Variants in ZNF676 observed in about 807,000 individuals in gnomAD.
The protein encoded by ZNF676 is zinc finger protein 676.
Under a neutral mutation model 6.0 loss-of-function variants are expected in ZNF676, and 4 were observed. The ratio of observed to expected loss-of-function variants is 0.67; its 90% CI spans 0.33 to 1.53. ZNF676 has a LOEUF of 1.53. ZNF676 is among the 40% of genes most tolerant of loss of function. The pLI, the probability that ZNF676 is intolerant of heterozygous loss-of-function variation, is 0.06. For missense variants in ZNF676, 644 were observed against 679.7 expected (o/e 0.95, Z 0.58); for synonymous variants, 198 against 223.1 (o/e 0.89, Z 1.00).
At chr19:22,244,344 A>T in the ZNF676 span, 1 of 152,162 alleles carries the variant, frequency 6.6e-6, no homozygotes, top group Non-Finnish European at 1.5e-5. Context: ...GCCCAGTCAG[A>T]TTGATAACTC....
chr19:22,238,623 G>C, the ZNF676 span, among the ~76,000 whole-genome samples: 3 of 152,018 alleles, frequency 2.0e-5, no homozygotes, highest in Non-Finnish European at 4.4e-5. Flanking sequence ...GTATTAGTCA[G>C]GGTTCTCCAG....
At chr19:22,232,182 T>G in the ZNF676 span, among the ~76,000 whole-genome samples, 2 of 151,742 alleles carry the variant, frequency 1.3e-5, no homozygotes, top group African/African-American at 4.8e-5. Context: ...CTTTTCTTTT[T>G]TTTTTAGACG....
upstream of ZNF676, chr19:22,215,797 T>C (rs1162540395): frequency 1.1e-4 from 60 of 549,348 alleles, no homozygotes; most frequent in South Asian, 1.8e-4. Flanking sequence ...AGCCGACCTG[T>C]CCCCCCCCCC....
the ZNF676 span, among the ~76,000 whole-genome samples, chr19:22,253,398 TAA>T: frequency 0.27 from 15,726 of 58,826 alleles, 1,142 homozygotes; most frequent in East Asian, 0.45. Flanking sequence ...ATATATATGA[TAA>T]TGTGTATATA....
chr19:22,199,251 C>T (rs2024000919), upstream of ZNF676, among the ~76,000 whole-genome samples: 1 of 152,154 alleles, frequency 6.6e-6, no homozygotes, highest in Non-Finnish European at 1.5e-5. Context: ...AATGATGTTG[C>T]TCCCACTGGG....
the ZNF676 span, among the ~76,000 whole-genome samples, chr19:22,221,757 A>G: frequency 6.6e-6 from 1 of 152,122 alleles, no homozygotes; most frequent in Non-Finnish European, 1.5e-5. Flanking sequence ...ACAAAAAAAA[A>G]AAACATCAGA....
intron 1 of ZNF676, among the ~76,000 whole-genome samples, chr19:22,195,680 C>T (rs757006043): frequency 6.6e-6 from 1 of 152,134 alleles, no homozygotes; most frequent in Non-Finnish European, 1.5e-5. Flanking sequence ...GTTAGGAGAA[C>T]AATTACAAAA....
chr19:22,194,122 C>G (rs2023942618), intron 1 of ZNF676, among the ~76,000 whole-genome samples: 1 of 152,168 alleles, frequency 6.6e-6, no homozygotes, highest in African/African-American at 2.4e-5. Flanking sequence ...TTCCCAGATG[C>G]TGCTTACCAC....
chr19:22,247,440 T>C, the ZNF676 span, among the ~76,000 whole-genome samples: 1 of 152,000 alleles, frequency 6.6e-6, no homozygotes, highest in Non-Finnish European at 1.5e-5. Context: ...GACATATGCC[T>C]GCAATCCTAG....
chr19:22,230,035 A>G, the ZNF676 span, among the ~76,000 whole-genome samples: 1 of 152,212 alleles, frequency 6.6e-6, no homozygotes, highest in Non-Finnish European at 1.5e-5. Flanking sequence ...TCTACTATAA[A>G]GACACATGCA....
intron 1 of ZNF676, among the ~76,000 whole-genome samples, chr19:22,206,517 A>G (rs926374197): frequency 6.6e-6 from 1 of 152,052 alleles, no homozygotes; most frequent in African/African-American, 2.4e-5. Context: ...TTCTCAAAAC[A>G]GGAAAAAATT....
At chr19:22,253,369 T>C in the ZNF676 span, among the ~76,000 whole-genome samples, 3 of 35,864 alleles carry the variant, frequency 8.4e-5, no homozygotes, top group Non-Finnish European at 1.3e-4. Flanking sequence ...TGTGTGTGTG[T>C]GTGTATATAT....
chr19:22,209,107 A>G (rs2024104890), intron 1 of ZNF676, among the ~76,000 whole-genome samples: 1 of 152,114 alleles, frequency 6.6e-6, no homozygotes, highest in South Asian at 2.1e-4. Context: ...TATACTAAAA[A>G]TACAAAAATT....
chr19:22,218,607 G>T (rs1253771880), upstream of ZNF676, among the ~76,000 whole-genome samples: 1 of 151,394 alleles, frequency 6.6e-6, no homozygotes, highest in African/African-American at 2.4e-5. Flanking sequence ...ACCTCCCAAA[G>T]TGCTGGGATT....
chr19:22,219,986 T>G (rs1291499002), upstream of ZNF676, among the ~76,000 whole-genome samples: 2 of 152,304 alleles, frequency 1.3e-5, no homozygotes, highest in Admixed American at 6.5e-5. Context: ...CCTTACAATA[T>G]GTTCCCTCTA....
At chr19:22,226,548 TTTTTA>T in the ZNF676 span, among the ~76,000 whole-genome samples, 1 of 151,706 alleles carries the variant, frequency 6.6e-6, no homozygotes, top group East Asian at 1.9e-4. Context: ...GAGTGTTTTA[TTTTTA>T]TTTTATTTAT....
chr19:22,187,078 C>T (rs2023849304), intron 2 of ZNF676, among the ~76,000 whole-genome samples: 1 of 152,146 alleles, frequency 6.6e-6, no homozygotes, highest in African/African-American at 2.4e-5. Context: ...TTCTTCTCAG[C>T]ATCACATCAC....
the ZNF676 span, among the ~76,000 whole-genome samples, chr19:22,232,473 G>A: frequency 6.6e-6 from 1 of 152,028 alleles, no homozygotes. Flanking sequence ...GCCTACAGTA[G>A]CATATTTCAA....
chr19:22,199,859 G>T (rs1277882863), upstream of ZNF676, among the ~76,000 whole-genome samples: 1 of 152,174 alleles, frequency 6.6e-6, no homozygotes, highest in Non-Finnish European at 1.5e-5. Context: ...AATTTGTAAA[G>T]TAAGATTCTA....
Sources: gnomAD v4.1 joint callset for allele counts (sites outside exome capture counted in the v4.1 genomes callset) on GRCh38, gnomAD v4.1.1 for gene constraint, MANE v1.5 for transcripts, NCBI Gene and HGNC (gene_info 2026-07-23, HGNC 2026-07-21) for gene names.